ZC2HC1A: variants seen among roughly 807,000 people sequenced by gnomAD.
ZC2HC1A encodes zinc finger C2HC-type containing 1A, also known as zinc finger C2HC domain-containing protein 1A.
ZC2HC1A carries 28 observed loss-of-function variants against 40.7 expected under a neutral mutation model. That is an observed-to-expected ratio of 0.69 (90% CI 0.51 to 0.94). ZC2HC1A has a LOEUF of 0.94. Among genes scored for constraint, ZC2HC1A ranks in the 40% least tolerant of loss-of-function variants. ZC2HC1A has a pLI of 0.00. For synonymous variants in ZC2HC1A, 129 were observed against 129.2 expected, an observed-to-expected ratio of 1.00 and a Z score of 0.01; for missense variants, 389 against 386.3, an observed-to-expected ratio of 1.01 and a Z score of -0.06.
chr8:78,673,041 T>C (rs1809478239), intron 1 of ZC2HC1A, among the ~76,000 whole-genome samples: 1 of 152,018 alleles, frequency 6.6e-6, no homozygotes, highest in South Asian at 2.1e-4. Flanking sequence ...CATTAGGTAT[T>C]TGTCTTAATG....
rs202184308 is a variant in ZC2HC1A at position 78,689,423 on chromosome 8, A to T, written c.504+50A>T. ...ATAAACGAGAAAATGGCTCATGGAC[A>T]TTCATAGATTATTGTTTATGCTTTT... On this transcript the variant is annotated intron_variant, in intron 5 of 8. Transcript: ENST00000263849. 3.0e-5 allele frequency: 44 copies of T among 1,478,278 alleles called. No individual in the cohort carries two copies. The African/African-American group carries it at 5.9e-4, about 20-fold the overall frequency. The allele number at this position is 1,478,278 out of a possible 1,614,324, so 91.6% of individuals were successfully genotyped here.
At chr8:78,717,298 T>C (rs917145924) in intron 8 of ZC2HC1A, 30 bp from the exon 9 acceptor site, 5 of 1,594,188 alleles carry the variant, frequency 3.1e-6, no homozygotes, top group Non-Finnish European at 4.3e-6. Flanking sequence ...ATACAAACTT[T>C]ATCTTTTCAT....
rs984583962 is a variant in ZC2HC1A, at chr8:78,686,460, T to C, written c.211-7T>C. The C allele has an allele frequency of 7.1e-7, 1 of 1,399,314 alleles. No individual in the cohort carries two copies. Among genetic ancestry groups the C allele is most frequent in the African/African-American group, 1.5e-5 (1 of 66,290 alleles). 86.7% of individuals were successfully genotyped at this position (1,399,314 alleles called of 1,614,324 possible). A position where few individuals can be genotyped will look rare whatever the true frequency, so the allele number is the denominator to read the frequency against. On this transcript the variant is annotated splice_polypyrimidine_tract_variant and splice_region_variant and intron_variant, in intron 3 of 8. Transcript: ENST00000263849. ...ATTTATTTATTTATTTATTTATTTA[T>C]TTATAGCCAGAACCACCAAAGAAAC... is the stretch of plus-strand genomic sequence containing the variant.
intron 3 of ZC2HC1A, among the ~76,000 whole-genome samples, chr8:78,682,642 C>G (rs948699934): frequency 1.3e-5 from 2 of 152,172 alleles, no homozygotes; most frequent in African/African-American, 4.8e-5. Flanking sequence ...TATGGGGACA[C>G]AGCCAAACCA....
Position 78,718,382 on chromosome 8 carries a change from A to T in ZC2HC1A, c.*889A>T, listed in dbSNP as rs1811169848. On this transcript the variant is annotated 3_prime_UTR_variant, in exon 9 of 9. Coordinates refer to ENST00000263849, the MANE Select transcript of ZC2HC1A (RefSeq NM_016010.3). The stretch of plus-strand genomic sequence containing the variant: ...AATCTTACATGTTTAAAAACATATA[A>T]TTTTTTGTATCTGAATTTAGAATAA... 1.3e-5 allele frequency: 2 copies of T among 151,972 alleles called. No homozygotes were observed. Among genetic ancestry groups the T allele is most frequent in the African/African-American group, 4.8e-5 (2 of 41,460 alleles). The allele number at this position is 151,972 out of a possible 1,614,324, so 9.4% of individuals were successfully genotyped here.
intron 7 of ZC2HC1A, among the ~76,000 whole-genome samples, chr8:78,701,465 C>T (rs569720898): frequency 3.3e-5 from 5 of 152,314 alleles, no homozygotes; most frequent in African/African-American, 1.2e-4. Flanking sequence ...TTCCTCTCTT[C>T]CTATTTGGAT....
At chr8:78,716,039 C>CA (rs753499894) in intron 8 of ZC2HC1A, among the ~76,000 whole-genome samples, 5,294 of 56,856 alleles carry the variant, frequency 0.093, 187 homozygotes, top group Middle Eastern at 0.22. Flanking sequence ...GACTCCATCT[C>CA]AAAAAAAAAA....
chr8:78,696,692 G>A (rs1317285366), intron 5 of ZC2HC1A, among the ~76,000 whole-genome samples: 5 of 152,160 alleles, frequency 3.3e-5, no homozygotes, highest in African/African-American at 1.2e-4. Flanking sequence ...AAGATGGTCT[G>A]GTGAGGATCG....
At chr8:78,686,745 T>G in intron 4 of ZC2HC1A, 137 bp downstream of exon 4, 1 of 899,832 alleles carries the variant, frequency 1.1e-6, no homozygotes, top group Non-Finnish European at 1.5e-6. Context: ...TGGTGTAAAA[T>G]GGTGGTGGTA....
intron 4 of ZC2HC1A, among the ~76,000 whole-genome samples, chr8:78,687,935 AT>A (rs1465767848): frequency 3.5e-5 from 5 of 143,162 alleles, no homozygotes; most frequent in Non-Finnish European, 4.5e-5. Context: ...TTATATCTAT[AT>A]TTTTATATAT....
intron 3 of ZC2HC1A, among the ~76,000 whole-genome samples, chr8:78,680,602 G>T (rs1024147366): frequency 1.3e-5 from 2 of 152,250 alleles, no homozygotes; most frequent in East Asian, 1.9e-4. Context: ...TAAGCAGAGT[G>T]GGGCAAAGCA....
At chr8:78,666,218 G>T in intron 1 of ZC2HC1A, 54 bp downstream of exon 1, 1 of 1,557,826 alleles carries the variant, frequency 6.4e-7, no homozygotes, top group East Asian at 2.4e-5. Flanking sequence ...CGAAACAGCT[G>T]GGGACCCTGG....
intron 7 of ZC2HC1A, among the ~76,000 whole-genome samples, chr8:78,701,790 T>C (rs928543390): frequency 6.6e-6 from 1 of 152,226 alleles, no homozygotes; most frequent in African/African-American, 2.4e-5. Context: ...ATGAATAGCA[T>C]TTATTGATTT....
chr8:78,700,841 C>T (rs1810579002), intron 7 of ZC2HC1A, among the ~76,000 whole-genome samples: 2 of 152,064 alleles, frequency 1.3e-5, no homozygotes. Flanking sequence ...TCTGGGCTTG[C>T]TATTCTGTTC....
At position 78,667,485 on chromosome 8, in the gene ZC2HC1A, A is replaced by C. The variant is rs1008299702; in HGVS notation, c.16+1321A>C. ...TGAGATTATCATATATAATATGATA[A>C]GGTTTTATTACATATTATCTATAAA... On this transcript the variant is annotated intron_variant, in intron 1 of 8. Coordinates refer to ENST00000263849, the MANE Select transcript of ZC2HC1A (RefSeq NM_016010.3). Among the ~76,000 whole-genome samples, 5 of 152,274 alleles carry C rather than the reference A, an allele frequency of 3.3e-5. No homozygotes were observed. The South Asian group carries it at 1.0e-3, about 32-fold the overall frequency.
intron 7 of ZC2HC1A, among the ~76,000 whole-genome samples, chr8:78,708,118 C>T (rs1810836310): frequency 6.6e-6 from 1 of 152,064 alleles, no homozygotes; most frequent in Non-Finnish European, 1.5e-5. Context: ...ACTGTTATTT[C>T]GATTTATACA....
rs572079893 is a variant in ZC2HC1A, at chr8:78,712,869, C to T, written c.705-2352C>T. 1.2e-4 allele frequency among the ~76,000 whole-genome samples: 19 copies of T among 152,212 alleles called. No individual in the cohort carries two copies. The South Asian group carries it at 1.7e-3, about 13-fold the overall frequency. ...AACTTAGTTAACTTTTAAACCAACA[C>T]CTACTACAACAGTCTGCTCAGTATG... On this transcript the variant is annotated intron_variant, in intron 7 of 8. Transcript: ENST00000263849.
At chr8:78,684,600 A>G (rs1334402089) in intron 3 of ZC2HC1A, among the ~76,000 whole-genome samples, 1 of 152,234 alleles carries the variant, frequency 6.6e-6, no homozygotes, top group African/African-American at 2.4e-5. Flanking sequence ...AGAAGATATG[A>G]TATACCTGGA....
chr8:78,673,692 G>T (rs1328817797), intron 1 of ZC2HC1A, among the ~76,000 whole-genome samples: 3 of 152,172 alleles, frequency 2.0e-5, no homozygotes, highest in Non-Finnish European at 4.4e-5. Flanking sequence ...CCGGGTAGAA[G>T]TTCCCTCCGT....
Sources: allele counts gnomAD v4.1 joint callset (sites outside exome capture counted in the v4.1 genomes callset), GRCh38; gene constraint gnomAD v4.1.1; transcripts MANE v1.5; gene names NCBI Gene and HGNC (gene_info 2026-07-23, HGNC 2026-07-21).